Variants in C8orf34 observed in about 807,000 individuals in gnomAD.
The protein encoded by C8orf34 is uncharacterized protein C8orf34.
Under a neutral mutation model 68.3 loss-of-function variants are expected in C8orf34, and 65 were observed. That is an observed-to-expected ratio of 0.95 (90% CI 0.78 to 1.17). C8orf34 has a LOEUF of 1.17. C8orf34 is among the 50% of genes most tolerant of loss of function. The pLI, the probability that C8orf34 is intolerant of heterozygous loss-of-function variation, is 0.00. For synonymous variants in C8orf34, 244 were observed against 241.2 expected (o/e 1.01, Z -0.11); for missense variants, 664 against 655.4 (o/e 1.01, Z -0.14).
At chr8:68,640,163 G>A (rs1291179694) in intron 7 of C8orf34, among the ~76,000 whole-genome samples, 2 of 152,118 alleles carry the variant, frequency 1.3e-5, no homozygotes, top group East Asian at 1.9e-4. Context: ...GTCTGTCACC[G>A]TTTTGTCTCT....
At chr8:68,526,291 T>C (rs1205444458) in intron 6 of C8orf34, among the ~76,000 whole-genome samples, 1 of 152,146 alleles carries the variant, frequency 6.6e-6, no homozygotes, top group Non-Finnish European at 1.5e-5. Context: ...CAAAAGAGCA[T>C]GCATTTAATT....
At chr8:68,757,934 G>T (rs1220594357) in intron 10 of C8orf34, among the ~76,000 whole-genome samples, 2 of 152,168 alleles carry the variant, frequency 1.3e-5, no homozygotes, top group Non-Finnish European at 2.9e-5. Context: ...GATTAATTGA[G>T]ATATGTAAAG....
intron 12 of C8orf34, chr8:68,791,184 C>A: frequency 2.4e-6 from 1 of 408,472 alleles, no homozygotes; most frequent in Non-Finnish European, 4.3e-6. Flanking sequence ...CACAGTTCCC[C>A]ATGTCTGGGG....
intron 10 of C8orf34, among the ~76,000 whole-genome samples, chr8:68,764,609 C>G (rs1164484751): frequency 1.3e-5 from 2 of 151,980 alleles, no homozygotes; most frequent in Non-Finnish European, 2.9e-5. Flanking sequence ...AGGAAAAGGG[C>G]ATGGAATGTG....
intron 8 of C8orf34, among the ~76,000 whole-genome samples, chr8:68,667,326 C>G (rs1223436408): frequency 1.3e-5 from 2 of 152,106 alleles, no homozygotes; most frequent in African/African-American, 4.8e-5. Context: ...ATCAAAGGTT[C>G]TCAAATTAGG....
chr8:68,816,134 T>TGTGTGTTTC (rs1563685769), intron 13 of C8orf34, among the ~76,000 whole-genome samples, 189 bp downstream of exon 13: 33 of 106,604 alleles, frequency 3.1e-4, no homozygotes, highest in African/African-American at 1.4e-3. Context: ...GTGTGTGTGT[T>TGTGTGTTTC]TCTCTGTGTG....
chr8:68,685,196 A>C (rs527544761), intron 8 of C8orf34, among the ~76,000 whole-genome samples: 1 of 152,212 alleles, frequency 6.6e-6, no homozygotes, highest in South Asian at 2.1e-4. Flanking sequence ...TCTATCATTT[A>C]TTACTTTTTG....
chr8:68,561,875 T>G lies in C8orf34; in HGVS notation c.1105+28726T>G, dbSNP rs551558901. ...ATCATCAATGTCACTTTCTTCCACC[T>G]CCACATCTTGTCCCACTGGAAGGTG... On this transcript the variant is annotated intron_variant, in intron 7 of 13. Transcript: ENST00000518698. Among the ~76,000 whole-genome samples the G allele has an allele frequency of 4.6e-5, 7 of 152,302 alleles. No homozygotes were observed. In the South Asian group the frequency reaches 1.2e-3, roughly 27 times the overall value.
At chr8:68,678,603 A>G (rs1314318948) in intron 8 of C8orf34, among the ~76,000 whole-genome samples, 1 of 152,168 alleles carries the variant, frequency 6.6e-6, no homozygotes, top group Admixed American at 6.5e-5. Context: ...CAACTAAACA[A>G]AAGCCATATT....
chr8:68,450,835 T>C lies in C8orf34; in HGVS notation c.607+4375T>C, dbSNP rs571074517. On this transcript the variant is annotated intron_variant, in intron 3 of 13. Transcript: ENST00000518698. The stretch of plus-strand genomic sequence containing the variant: ...GGATTTTTGGAATGGTGAATAAGCA[T>C]TGACTTCAACTTAAAGTCACCAGCT... Among the ~76,000 whole-genome samples, 14 of 152,232 alleles carry C rather than the reference T, an allele frequency of 9.2e-5. No homozygotes were observed. In the East Asian group the frequency reaches 1.5e-3, roughly 17 times the overall value.
At chr8:68,599,489 GA>G (rs1817637133) in intron 7 of C8orf34, among the ~76,000 whole-genome samples, 2 of 151,756 alleles carry the variant, frequency 1.3e-5, no homozygotes, top group South Asian at 4.1e-4. Context: ...GTGTTGTATT[GA>G]ACTAAGAACA....
chr8:68,521,848 A>T lies in C8orf34; in HGVS notation c.815A>T (p.Glu272Val). The change falls in exon 6 of 14, where the codon GAA becomes GTA. Residue 272 changes from glutamate to valine, a missense_variant. Glu to Val is a moderately radical substitution (Grantham distance 121, BLOSUM62 -2). Transcript: ENST00000518698. Reference protein sequence around the residue: ...SSLLRPRVIGEWIGREENDAD... With the variant: ...SSLLRPRVIGVWIGREENDAD... ...CTTCTGAGGCCCCGTGTGATTGGAG[A>T]ATGGATTGGTAGAGAAGAAAATGAT... The T allele has an allele frequency of 6.2e-7, 1 of 1,613,938 alleles. No homozygotes were observed. The highest frequency in any genetic ancestry group is 1.3e-5 in the African/African-American group (1 of 74,982).
intron 10 of C8orf34, among the ~76,000 whole-genome samples, chr8:68,754,388 A>G (rs562085016): frequency 3.0e-4 from 46 of 152,350 alleles, no homozygotes; most frequent in Middle Eastern, 3.4e-3. Context: ...GTTGACAAGT[A>G]TGTTCTTTCA....
chr8:68,534,527 T>C (rs989806487), intron 7 of C8orf34: 112 of 714,530 alleles, frequency 1.6e-4, no homozygotes, highest in Non-Finnish European at 1.9e-4. Context: ...CAGTTGTGTA[T>C]AGGGGTAACA....
intron 4 of C8orf34, among the ~76,000 whole-genome samples, chr8:68,475,682 C>T (rs1812582622): frequency 6.6e-6 from 1 of 152,022 alleles, no homozygotes; most frequent in African/African-American, 2.4e-5. Flanking sequence ...AAATAAACAT[C>T]CTAAAAGCTA....
chr8:68,635,738 T>C (rs1052492456), intron 7 of C8orf34, among the ~76,000 whole-genome samples: 1 of 152,188 alleles, frequency 6.6e-6, no homozygotes. Context: ...CACAGCACTG[T>C]ACAGTATGCC....
chr8:68,618,260 A>G lies in C8orf34; in HGVS notation c.1106-22116A>G, dbSNP rs866645186. On this transcript the variant is annotated intron_variant, in intron 7 of 13. Coordinates refer to ENST00000518698, the MANE Select transcript of C8orf34 (RefSeq NM_052958.4). ...CCTTTCATTCCATGGTAAGAATAAC[A>G]TTAGTTTATTCTTTAGATATTTTGC... Among the ~76,000 whole-genome samples, 8 of 152,202 alleles carry G rather than the reference A, an allele frequency of 5.3e-5. 1 individual carries two copies. The highest frequency in any genetic ancestry group is 2.0e-4 in the Admixed American group (3 of 15,266).
intron 2 of C8orf34, among the ~76,000 whole-genome samples, chr8:68,440,294 A>G (rs1810847492): frequency 6.6e-6 from 1 of 152,088 alleles, no homozygotes; most frequent in South Asian, 2.1e-4. Context: ...TGGGTAACTA[A>G]CTTCTTGTCT....
chr8:68,542,441 G>A (rs1360974695), intron 7 of C8orf34, among the ~76,000 whole-genome samples: 5 of 151,186 alleles, frequency 3.3e-5, no homozygotes, highest in East Asian at 2.0e-4. Flanking sequence ...TTTTCTTTAC[G>A]GACTTTTTCG....
Sources: gnomAD v4.1 joint callset for allele counts (sites outside exome capture counted in the v4.1 genomes callset) on GRCh38, gnomAD v4.1.1 for gene constraint, MANE v1.5 for transcripts, NCBI Gene and HGNC (gene_info 2026-07-23, HGNC 2026-07-21) for gene names.